The following SNTG2 variants were observed in gnomAD, a reference collection of about 807,000 sequenced individuals.
SNTG2 encodes the protein syntrophin gamma 2, also known as gamma-2-syntrophin.
In SNTG2, 74 loss-of-function variants were observed where a neutral mutation model predicts 70.9. That is an observed-to-expected ratio of 1.04 (90% CI 0.86 to 1.27). The LOEUF is 1.27. SNTG2 is among the 50% of genes most tolerant of loss of function. SNTG2 has a pLI of 0.00. For synonymous variants in SNTG2, 278 were observed against 273.8 expected, an observed-to-expected ratio of 1.02 and a Z score of -0.15; for missense variants, 717 against 690.7, an observed-to-expected ratio of 1.04 and a Z score of -0.43.
intron 10 of SNTG2, among the ~76,000 whole-genome samples, chr2:1,239,033 A>G (rs1472545851): frequency 1.3e-5 from 2 of 152,260 alleles, no homozygotes; most frequent in Non-Finnish European, 2.9e-5. Context: ...AGGAAGTACC[A>G]GGACCTTCCT....
At chr2:1,182,206 C>T (rs1671951635) in intron 8 of SNTG2, among the ~76,000 whole-genome samples, 1 of 152,108 alleles carries the variant, frequency 6.6e-6, no homozygotes, top group South Asian at 2.1e-4. Context: ...TTAAAGTGCT[C>T]ACCTGTGGCT....
chr2:1,074,225 A>G (rs939300329), intron 1 of SNTG2, among the ~76,000 whole-genome samples: 9 of 152,210 alleles, frequency 5.9e-5, no homozygotes, highest in Non-Finnish European at 1.3e-4. Flanking sequence ...GCCCGGGGGA[A>G]TGCTCAGACA....
At chr2:1,213,747 ACACAGAG>A (rs1440736090) in intron 9 of SNTG2, among the ~76,000 whole-genome samples, 1 of 152,232 alleles carries the variant, frequency 6.6e-6, no homozygotes, top group African/African-American at 2.4e-5. Flanking sequence ...ATGCAGACAG[ACACAGAG>A]CAAACATGCA....
At chr2:991,570 G>T (rs1052466566) in intron 1 of SNTG2, among the ~76,000 whole-genome samples, 49 of 152,126 alleles carry the variant, frequency 3.2e-4, no homozygotes, top group Non-Finnish European at 1.5e-4. Flanking sequence ...TCATGAATGG[G>T]GATGTGAGGC....
At chr2:1,040,760 A>G (rs1338907851) in intron 1 of SNTG2, among the ~76,000 whole-genome samples, 1 of 152,250 alleles carries the variant, frequency 6.6e-6, no homozygotes, top group Non-Finnish European at 1.5e-5. Context: ...TGAAGAGGCT[A>G]AAACGCATAA....
chr2:964,991 C>G (rs1002764132), intron 1 of SNTG2, among the ~76,000 whole-genome samples: 11 of 58,400 alleles, frequency 1.9e-4, no homozygotes, highest in East Asian at 9.5e-4. Flanking sequence ...ACCTCCTTGG[C>G]CACCTTTGCT....
intron 15 of SNTG2, among the ~76,000 whole-genome samples, chr2:1,309,241 CA>C (rs1199986253): frequency 1.3e-5 from 2 of 152,212 alleles, no homozygotes; most frequent in Admixed American, 1.3e-4. Context: ...AATCGGGCTG[CA>C]CCCCCTTTAC....
intron 14 of SNTG2, among the ~76,000 whole-genome samples, chr2:1,290,138 G>A (rs1176991371): frequency 1.3e-5 from 2 of 152,096 alleles, no homozygotes; most frequent in African/African-American, 2.4e-5. Context: ...ACTACCTGAG[G>A]TTAGGTTATT....
At chr2:1,162,621 C>T (rs1468756882) in intron 6 of SNTG2, among the ~76,000 whole-genome samples, 2 of 152,160 alleles carry the variant, frequency 1.3e-5, no homozygotes, top group Non-Finnish European at 2.9e-5. Context: ...GGGACGAGGG[C>T]TTGCAGGGCC....
intron 4 of SNTG2, among the ~76,000 whole-genome samples, chr2:1,135,330 TTTAGG>T (rs5828806): frequency 0.47 from 71,737 of 151,586 alleles, 17,924 homozygotes; most frequent in East Asian, 0.65. Flanking sequence ...CACTTTTTGC[TTTAGG>T]TTAGAAGAGT....
intron 13 of SNTG2, among the ~76,000 whole-genome samples, chr2:1,261,092 T>C (rs1298294235): frequency 2.0e-5 from 3 of 149,900 alleles, no homozygotes; most frequent in African/African-American, 7.4e-5. Flanking sequence ...AACTAAAAAA[T>C]GGGGTAAATA....
chr2:984,464 T>C (rs1017590070), intron 1 of SNTG2, among the ~76,000 whole-genome samples: 2 of 152,072 alleles, frequency 1.3e-5, no homozygotes, highest in African/African-American at 4.8e-5. Flanking sequence ...CTGTGCTGTT[T>C]GCTGGGTAGA....
chr2:1,113,222 T>C lies in SNTG2; in HGVS notation c.325+14812T>C, dbSNP rs79559315. On this transcript the variant is annotated intron_variant, in intron 4 of 16. Transcript: ENST00000308624. ...GGATCGTGTGTACTGAGGATTAACC[T>C]TTACAGTCCTTTCAGAAGGATGGTG... Among the ~76,000 whole-genome samples, 370 of 115,590 alleles carry C rather than the reference T, an allele frequency of 3.2e-3. 6 individuals carry two copies. The highest frequency in any genetic ancestry group is 0.011 in the African/African-American group (347 of 30,662). 75.8% of individuals were successfully genotyped at this position (115,590 alleles called of 152,430 possible). A position where few individuals can be genotyped will look rare whatever the true frequency, so the allele number is the denominator to read the frequency against.
chr2:1,161,840 C>A, intron 6 of SNTG2, among the ~76,000 whole-genome samples: 1 of 152,010 alleles, frequency 6.6e-6, no homozygotes, highest in Middle Eastern at 3.4e-3. Flanking sequence ...TTTGGGAGGC[C>A]GAGGCGGGCG....
intron 16 of SNTG2, among the ~76,000 whole-genome samples, chr2:1,357,006 G>A (rs1453359368): frequency 6.6e-6 from 1 of 151,448 alleles, no homozygotes; most frequent in East Asian, 1.9e-4. Context: ...TTTATTGTGT[G>A]TATCAATTTT....
chr2:1,365,822 A>T (rs1215663226), intron 16 of SNTG2, among the ~76,000 whole-genome samples: 2 of 152,168 alleles, frequency 1.3e-5, no homozygotes, highest in Non-Finnish European at 2.9e-5. Flanking sequence ...CTGTCAGGGA[A>T]GTTTGAAGTC....
chr2:1,354,778 A>C (rs1208922749), intron 16 of SNTG2, among the ~76,000 whole-genome samples: 9 of 152,134 alleles, frequency 5.9e-5, no homozygotes, highest in Non-Finnish European at 1.3e-4. Flanking sequence ...TTTCCACCTG[A>C]AGGGTGTCGC....
At chr2:1,091,862 A>T (rs1665051133) in intron 2 of SNTG2, among the ~76,000 whole-genome samples, 1 of 152,252 alleles carries the variant, frequency 6.6e-6, no homozygotes, top group African/African-American at 2.4e-5. Flanking sequence ...TCTTAGTTTG[A>T]AATCATTGCA....
chr2:1,244,193 A>T (rs2148123543), intron 11 of SNTG2, among the ~76,000 whole-genome samples: 1 of 152,346 alleles, frequency 6.6e-6, no homozygotes, highest in Middle Eastern at 3.4e-3. Context: ...TTGTTTCGTG[A>T]ATTTTAAAGA....
Sources: allele counts gnomAD v4.1 joint callset (sites outside exome capture counted in the v4.1 genomes callset), GRCh38; gene constraint gnomAD v4.1.1; transcripts MANE v1.5; gene names NCBI Gene and HGNC (gene_info 2026-07-23, HGNC 2026-07-21).